The following NALCN variants were observed in gnomAD, a reference collection of about 807,000 sequenced individuals.
The protein encoded by NALCN is sodium leak channel NALCN.
Under a neutral mutation model 225.3 loss-of-function variants are expected in NALCN, and 111 were observed. The observed-to-expected ratio is 0.49, with a 90% CI of 0.42 to 0.58. NALCN has a LOEUF of 0.58. NALCN is among the 20% of genes least tolerant of loss of function. The pLI is 0.00. For missense variants in NALCN, 1,378 were observed against 2,202.4 expected, an observed-to-expected ratio of 0.63 and a Z score of 7.49; for synonymous variants, 764 against 769.0, an observed-to-expected ratio of 0.99 and a Z score of 0.11.
chr13:101,382,412 T>G (rs562871165), intron 3 of NALCN, among the ~76,000 whole-genome samples: 7 of 152,270 alleles, frequency 4.6e-5, no homozygotes, highest in African/African-American at 1.7e-4. Flanking sequence ...TTTTTAAAAA[T>G]AGCTTTTCAA....
chr13:101,223,012 TC>T (rs2041003880), intron 13 of NALCN, among the ~76,000 whole-genome samples: 1 of 152,102 alleles, frequency 6.6e-6, no homozygotes, highest in Admixed American at 6.6e-5. Flanking sequence ...CATATCCCCT[TC>T]TTTTATCCAG....
At chr13:101,361,836 G>C (rs2046260088) in intron 6 of NALCN, among the ~76,000 whole-genome samples, 1 of 151,998 alleles carries the variant, frequency 6.6e-6, no homozygotes, top group East Asian at 1.9e-4. Flanking sequence ...ATGATCAAAA[G>C]ATGGATCAAA....
intron 15 of NALCN, among the ~76,000 whole-genome samples, chr13:101,171,424 T>A (rs566624351): frequency 6.6e-6 from 1 of 151,334 alleles, no homozygotes; most frequent in Non-Finnish European, 1.5e-5. Context: ...TAATAATAGA[T>A]ATACACACAC....
intron 40 of NALCN, among the ~76,000 whole-genome samples, chr13:101,064,559 T>TAC (rs57799563): frequency 0.031 from 4,634 of 148,276 alleles, 140 homozygotes; most frequent in East Asian, 0.092. Context: ...TGAACATAGA[T>TAC]ACACACACAC....
chr13:101,349,067 T>C (rs888703261), intron 6 of NALCN, among the ~76,000 whole-genome samples: 1 of 152,154 alleles, frequency 6.6e-6, no homozygotes, highest in African/African-American at 2.4e-5. Flanking sequence ...ATGGAATTCT[T>C]GCCCCACCAG....
chr13:101,197,505 C>T (rs2039941001), intron 13 of NALCN, among the ~76,000 whole-genome samples: 1 of 152,160 alleles, frequency 6.6e-6, no homozygotes, highest in Non-Finnish European at 1.5e-5. Context: ...AAGTCCAAAC[C>T]TATACATGTA....
chr13:101,148,377 G>C (rs78132574), intron 15 of NALCN, among the ~76,000 whole-genome samples: 1 of 152,222 alleles, frequency 6.6e-6, no homozygotes, highest in African/African-American at 2.4e-5. Context: ...CTGGGCCTGC[G>C]TGTTTCTGTG....
Position 101,276,062 on chromosome 13 carries a change from C to CAAAA in NALCN, c.1134+7867_1134+7870dup, listed in dbSNP as rs59471123. 3.1e-3 allele frequency among the ~76,000 whole-genome samples: 258 copies of CAAAA among 84,296 alleles called. 13 individuals carry two copies. The highest frequency in any genetic ancestry group is 4.7e-3 in the African/African-American group (106 of 22,590). The allele number at this position is 84,296 out of a possible 152,430, so 55.3% of individuals were successfully genotyped here. A position where few individuals can be genotyped will look rare whatever the true frequency, so the allele number is the denominator to read the frequency against. On this transcript the variant is annotated intron_variant, in intron 10 of 43. Transcript: ENST00000251127. The stretch of plus-strand genomic sequence containing the variant: ...CTGATGACAGAGCGAGACTCCTTCT[C>CAAAA]AAAAAAAAAAAAAAAAAAAAAAAAA...
rs1385150576 is a variant in NALCN, at chr13:101,191,967, C to T, written c.1714G>A (p.Ala572Thr). The T allele has an allele frequency of 1.2e-6, 2 of 1,608,882 alleles. No individual in the cohort carries two copies. The highest frequency in any genetic ancestry group is 1.7e-5 in the Admixed American group (1 of 59,212). ...QTLNAVGHMW[A>T]PVVAIYFILY... ...ATGAAATAGATGGCAACCACGGGTG[C>T]CCACATATGTCCCACAGCATTTAGA... is the stretch of plus-strand genomic sequence containing the variant. Residue 572 changes from alanine to threonine, a missense_variant, in exon 14 of 44, where the codon GCA (alanine) becomes ACA (threonine). By Grantham distance (58) the Ala-to-Thr change is moderately conservative. This residue lies in a region of NALCN where 62 missense variants were observed against 143.6 expected (regional missense o/e 0.43). Coordinates refer to ENST00000251127, the MANE Select transcript of NALCN (RefSeq NM_052867.4).
chr13:101,129,568 C>T (rs2036410477), intron 17 of NALCN, among the ~76,000 whole-genome samples: 1 of 152,080 alleles, frequency 6.6e-6, no homozygotes, highest in African/African-American at 2.4e-5. Flanking sequence ...TCAAGAAGCC[C>T]TGGTTTACTT....
intron 1 of NALCN, among the ~76,000 whole-genome samples, chr13:101,414,052 A>T (rs77666862): frequency 2.7e-5 from 4 of 147,610 alleles, no homozygotes; most frequent in East Asian, 2.0e-4. Flanking sequence ...CACTTGGTGA[A>T]TTTTTTTTTT....
chr13:101,176,623 AG>A (rs2038970134), intron 14 of NALCN, among the ~76,000 whole-genome samples: 1 of 152,244 alleles, frequency 6.6e-6, no homozygotes, highest in African/African-American at 2.4e-5. Context: ...AAGGAAATTA[AG>A]AAAAAGGTTT....
chr13:101,080,614 C>T (rs675859), intron 34 of NALCN, among the ~76,000 whole-genome samples: 109,067 of 144,538 alleles, frequency 0.75, 41,903 homozygotes, highest in African/African-American at 0.88. Flanking sequence ...ATTATATAAT[C>T]AATTAAATTA....
At chr13:101,163,499 C>T (rs1480877854) in intron 15 of NALCN, among the ~76,000 whole-genome samples, 1 of 152,170 alleles carries the variant, frequency 6.6e-6, no homozygotes, top group Non-Finnish European at 1.5e-5. Context: ...CTTACAGAAA[C>T]CTTTCCTCTA....
At chr13:101,212,951 A>C (rs982493944) in intron 13 of NALCN, among the ~76,000 whole-genome samples, 1 of 152,148 alleles carries the variant, frequency 6.6e-6, no homozygotes, top group Non-Finnish European at 1.5e-5. Context: ...AACTACTTTA[A>C]AGTTCATATG....
intron 2 of NALCN, 100 bp downstream of exon 2, chr13:101,398,919 C>T: frequency 1.4e-6 from 1 of 717,344 alleles, no homozygotes; most frequent in Non-Finnish European, 2.5e-6. Context: ...TCTACTGCAG[C>T]TCAGATATTT....
At chr13:101,310,317 A>G (rs1365277166) in intron 7 of NALCN, among the ~76,000 whole-genome samples, 2 of 152,102 alleles carry the variant, frequency 1.3e-5, no homozygotes, top group African/African-American at 2.4e-5. Context: ...TACCTTTCCA[A>G]TCGTATTCCC....
chr13:101,295,592 T>C (rs1475062867), intron 7 of NALCN, among the ~76,000 whole-genome samples: 2 of 152,088 alleles, frequency 1.3e-5, no homozygotes, highest in East Asian at 1.9e-4. Context: ...TTTTTTCTAA[T>C]TGGACAAAGG....
At chr13:101,229,779 A>T (rs1358072467) in intron 12 of NALCN, among the ~76,000 whole-genome samples, 195 bp from the exon 13 acceptor site, 1 of 152,218 alleles carries the variant, frequency 6.6e-6, no homozygotes, top group African/African-American at 2.4e-5. Flanking sequence ...GAATGGATGA[A>T]CTAAGTGTTT....
Sources: allele counts gnomAD v4.1 joint callset (sites outside exome capture counted in the v4.1 genomes callset), GRCh38; gene constraint gnomAD v4.1.1; regional missense constraint gnomAD v4.1.1; transcripts MANE v1.5; gene names NCBI Gene and HGNC (gene_info 2026-07-23, HGNC 2026-07-21).